Variants in TRIM66 observed in about 807,000 individuals in gnomAD.
TRIM66 encodes the protein tripartite motif containing 66, also known as tripartite motif-containing protein 66.
Under a neutral mutation model 148.2 loss-of-function variants are expected in TRIM66, and 99 were observed. The ratio of observed to expected loss-of-function variants is 0.67; its 90% CI spans 0.57 to 0.79. The LOEUF (loss-of-function observed/expected upper bound fraction) is 0.79, where lower values mean the gene tolerates loss of function less well. Ranked by LOEUF, TRIM66 falls within the 30% of genes least tolerant of loss-of-function variation. The pLI, the probability that TRIM66 is intolerant of heterozygous loss-of-function variation, is 0.00. For missense variants in TRIM66, 1,666 were observed against 1,697.9 expected (o/e 0.98, Z 0.33); for synonymous variants, 616 against 635.9 (o/e 0.97, Z 0.47).
chr11:8,682,948 G>T, upstream of TRIM66: 1 of 1,289,298 alleles, frequency 7.8e-7, no homozygotes, highest in Non-Finnish European at 1.1e-6. Flanking sequence ...TGCGGGGCAG[G>T]GTGGCCGGCG....
chr11:8,673,856 T>C (rs1362123593), intron 4 of TRIM66, among the ~76,000 whole-genome samples: 1 of 152,228 alleles, frequency 6.6e-6, no homozygotes, highest in Non-Finnish European at 1.5e-5. Flanking sequence ...TCTTGGTAAT[T>C]ATGCAAGTTT....
chr11:8,653,628 C>T (rs1372919911), intron 6 of TRIM66, among the ~76,000 whole-genome samples: 3 of 152,180 alleles, frequency 2.0e-5, no homozygotes, highest in African/African-American at 7.2e-5. Flanking sequence ...CCAGCCCAAA[C>T]AGCCAAACTG....
Position 8,625,070 on chromosome 11 carries a change from G to A in TRIM66, c.2469C>T (p.Pro823=), listed in dbSNP as rs1231762924. The A allele has an allele frequency of 4.5e-6, 7 of 1,551,732 alleles. No individual in the cohort carries two copies. The highest frequency in any genetic ancestry group is 4.4e-6 in the Non-Finnish European group (5 of 1,147,014). The change falls in exon 16 of 25, where the codon CCC becomes CCT. Residue 823 remains proline (P), a synonymous_variant. Coordinates refer to ENST00000646038, the MANE Select transcript of TRIM66 (RefSeq NM_001388022.1). ...CACTTGTCAGGCTGGACACCATTTT[G>A]GGGGGAGCACTCAGCAGGCTTGGTA... ...QAVPSLLSAP[P]KMVSSLTSVQ...
intron 3 of TRIM66, among the ~76,000 whole-genome samples, chr11:8,676,363 G>A (rs750833225): frequency 3.3e-5 from 5 of 152,050 alleles, no homozygotes; most frequent in Non-Finnish European, 7.4e-5. Context: ...TGTCAACCCA[G>A]TGAAAAGATC....
Position 8,640,332 on chromosome 11 carries a change from C to T in TRIM66, c.2043G>A (p.Gln681=), listed in dbSNP as rs2036256128. 6.4e-7 allele frequency: 1 copy of T among 1,551,628 alleles called. No individual in the cohort carries two copies. Among genetic ancestry groups the T allele is most frequent in the African/African-American group, 1.4e-5 (1 of 72,986 alleles). ...GCTGAAGATGCTGAGGAGATTTGGT[C>T]TGACTCAGTTGCAGGCTGGGCTGTT... ...QAQQPSLQLS[Q]TKSPQHLQQT... is the part of the protein sequence containing the mutation. Residue 681 remains glutamine (Q), a synonymous_variant, in exon 14 of 25, where the codon CAG becomes CAA. Coordinates refer to ENST00000646038, the MANE Select transcript of TRIM66 (RefSeq NM_001388022.1).
At chr11:8,637,112 C>G (rs2035947095) in intron 15 of TRIM66, among the ~76,000 whole-genome samples, 1 of 152,124 alleles carries the variant, frequency 6.6e-6, no homozygotes, top group Admixed American at 6.6e-5. Context: ...TCAACAGCCC[C>G]CTCTCCCAGA....
chr11:8,640,736 G>T lies in TRIM66; in HGVS notation c.1639C>A (p.Leu547Met). ...GGCTGGGAAGTCAGCTGCTGCCCCA[G>T]CCGCTGGGATGTGCTCTCCTGCTCC... ...PVEQESTSQRLGQQLTSQPVC... is the reference protein window; with the variant it reads ...PVEQESTSQRMGQQLTSQPVC... The change falls in exon 14 of 25, where the codon CTG (leucine) becomes ATG (methionine). Residue 547 changes from leucine (L) to methionine (M), a missense_variant. By Grantham distance (15) the Leu-to-Met change is conservative (BLOSUM62 2). This residue lies in a region of TRIM66 where 1,431 missense variants were observed against 1,412.4 expected (regional missense o/e 1.01). Coordinates refer to ENST00000646038, the MANE Select transcript of TRIM66 (RefSeq NM_001388022.1). The T allele has an allele frequency of 6.4e-7, 1 of 1,551,536 alleles. No homozygotes were observed. The highest frequency in any genetic ancestry group is 8.7e-7 in the Non-Finnish European group (1 of 1,146,998).
intron 1 of TRIM66, chr11:8,680,792 G>A (rs985904134): frequency 6.6e-6 from 1 of 152,284 alleles, no homozygotes; most frequent in Non-Finnish European, 1.5e-5. Context: ...AGGACAGAAG[G>A]CTGAGGAACA....
At chr11:8,632,981 TA>T (rs1565498550) in intron 15 of TRIM66, among the ~76,000 whole-genome samples, 1 of 151,866 alleles carries the variant, frequency 6.6e-6, no homozygotes, top group Non-Finnish European at 1.5e-5. Context: ...ACAGAAAAAG[TA>T]AAGAGGATCT....
intron 17 of TRIM66, among the ~76,000 whole-genome samples, chr11:8,623,534 A>G (rs148568946): frequency 2.6e-5 from 4 of 152,238 alleles, no homozygotes; most frequent in African/African-American, 9.6e-5. Flanking sequence ...AGTGTGAAAA[A>G]AAAGGAGAAA....
chr11:8,677,106 T>C (rs553804798), intron 3 of TRIM66, among the ~76,000 whole-genome samples: 1 of 152,132 alleles, frequency 6.6e-6, no homozygotes, highest in African/African-American at 2.4e-5. Context: ...CCACATCACA[T>C]TGGGAATAAG....
At chr11:8,672,201 G>A (rs955741744) in intron 5 of TRIM66, 47 bp downstream of exon 5, 2 of 1,535,840 alleles carry the variant, frequency 1.3e-6, no homozygotes, top group African/African-American at 2.7e-5. Context: ...TCCAGGCCAT[G>A]TTCCTCTCCA....
intron 1 of TRIM66, among the ~76,000 whole-genome samples, chr11:8,681,683 G>C (rs140689733): frequency 1.9e-3 from 288 of 152,220 alleles, no homozygotes; most frequent in Admixed American, 3.3e-3. Flanking sequence ...GTGAGGGTAA[G>C]TTCATTTATT....
At chr11:8,648,303 G>T (rs1237770512) in intron 9 of TRIM66, 113 bp downstream of exon 9, 10 of 1,459,414 alleles carry the variant, frequency 6.9e-6, no homozygotes, top group Non-Finnish European at 9.2e-6. Context: ...CCCAGGGGCT[G>T]CAGGTTGGCT....
In TRIM66 at chr11:8,641,219, T is replaced by C. The variant is rs146878914; in HGVS notation, c.1223-67A>G. The C allele has an allele frequency of 1.6e-3, 2,228 of 1,392,244 alleles. 17 individuals are homozygous for C. The highest frequency in any genetic ancestry group is 0.013 in the Middle Eastern group (65 of 5,082). The allele number at this position is 1,392,244 out of a possible 1,614,324, so 86.2% of individuals were successfully genotyped here. ...TTGCTCCCACCTTGCTACTTCCTGC[T>C]CCTGGGACAAAAGAACCTCATTCAA... is the stretch of plus-strand genomic sequence containing the variant. On this transcript the variant is annotated intron_variant, in intron 13 of 24. Coordinates refer to ENST00000646038, the MANE Select transcript of TRIM66 (RefSeq NM_001388022.1).
Position 8,666,294 on chromosome 11 carries a change from G to A in TRIM66, c.340+5492C>T, listed in dbSNP as rs189344978. On this transcript the variant is annotated intron_variant, in intron 6 of 24. Coordinates refer to ENST00000646038, the MANE Select transcript of TRIM66 (RefSeq NM_001388022.1). ...GCAGAGGTTCCAGTGAGCCAAGATC[G>A]CGCCATTGCAATCCAGCCTGGGCAA... Among the ~76,000 whole-genome samples, 67 of 139,190 alleles carry A rather than the reference G, an allele frequency of 4.8e-4. No homozygotes were observed. The East Asian group carries it at 0.013, about 27-fold the overall frequency. 91.3% of individuals were successfully genotyped at this position (139,190 alleles called of 152,430 possible).
Position 8,641,030 on chromosome 11 carries a change from TA to T in TRIM66, c.1344del (p.Ser449AlafsTer103). 2 of 1,551,644 alleles carry T rather than the reference TA, an allele frequency of 1.3e-6. No homozygotes were observed. The highest frequency in any genetic ancestry group is 1.7e-6 in the Non-Finnish European group (2 of 1,146,984). Reference sequence around the variant, plus strand: ...GACTGGAACTTGTGTGAGGGGTGGCTAAGAGCCTCTTGCTGAGCCACTGGAG... The same window carrying T: ...GACTGGAACTTGTGTGAGGGGTGGCTAGAGCCTCTTGCTGAGCCACTGGAG... ...HQSPVAQQEA[L>X]SHPSHKFQSP... On this transcript the variant is annotated frameshift_variant, in exon 14 of 25. Coordinates refer to ENST00000646038, the MANE Select transcript of TRIM66 (RefSeq NM_001388022.1). LOFTEE classifies it high-confidence loss of function.
intron 19 of TRIM66, 68 bp downstream of exon 19, chr11:8,621,560 CCAGAGTCAGAATTCGGG>C: frequency 6.9e-7 from 1 of 1,441,796 alleles, no homozygotes; most frequent in East Asian, 2.5e-5. Flanking sequence ...AGGAAAGGTC[CCAGAGTCAGAATTCGGG>C]CAGTAGCAGA....
At chr11:8,672,136 T>C (rs1053489779) in intron 5 of TRIM66, 38 bp from the exon 6 acceptor site, 2 of 1,528,780 alleles carry the variant, frequency 1.3e-6, no homozygotes, top group Non-Finnish European at 1.7e-6. Context: ...TCTACTTATT[T>C]TGAGCAGAAA....
Sources: allele counts gnomAD v4.1 joint callset (sites outside exome capture counted in the v4.1 genomes callset), GRCh38; gene constraint gnomAD v4.1.1; regional missense constraint gnomAD v4.1.1; transcripts MANE v1.5; gene names NCBI Gene and HGNC (gene_info 2026-07-23, HGNC 2026-07-21).